GPR137C: variants seen among roughly 807,000 people sequenced by gnomAD.
GPR137C encodes the protein G protein-coupled receptor 137C.
GPR137C carries 27 observed loss-of-function variants against 43.4 expected under a neutral mutation model. The observed-to-expected ratio is 0.62, with a 90% confidence interval of 0.46 to 0.86. GPR137C has a LOEUF of 0.86. GPR137C is among the 40% of genes least tolerant of loss of function. The pLI is 0.00. For missense variants in GPR137C, 522 were observed against 534.6 expected, an observed-to-expected ratio of 0.98 and a Z score of 0.23; for synonymous variants, 285 against 226.9, an observed-to-expected ratio of 1.26 and a Z score of -2.30.
At position 52,634,956 on chromosome 14, in the gene GPR137C, T is replaced by A; in HGVS notation, c.1131T>A (p.Ser377Arg). 1 of 1,612,274 alleles carries A rather than the reference T, an allele frequency of 6.2e-7. No homozygotes were observed. The highest frequency in any genetic ancestry group is 8.5e-7 in the Non-Finnish European group (1 of 1,179,230). The change falls in exon 7 of 7, where the codon AGT becomes AGA. Residue 377 changes from serine to arginine, a missense_variant. By Grantham distance (110) the Ser-to-Arg change is moderately radical. Transcript: ENST00000321662. The part of the protein sequence containing the change: ...SREGSLPNSQ[S>R]LGWYGTMTGC... Reference sequence around the variant, plus strand: ...GTTGCAGTTTACCAAATTCGCAAAGTTTGGGCTGGTATGGCACCATGACTG... The same window carrying A: ...GTTGCAGTTTACCAAATTCGCAAAGATTGGGCTGGTATGGCACCATGACTG...
chr14:52,588,334 A>G (rs75240114), intron 1 of GPR137C, among the ~76,000 whole-genome samples: 39,316 of 151,860 alleles, frequency 0.26, 5,599 homozygotes, highest in East Asian at 0.53. Context: ...TAATAGAGAC[A>G]GGGTTTCACC....
chr14:52,569,376 G>A (rs1263222618), intron 1 of GPR137C, among the ~76,000 whole-genome samples: 1 of 150,788 alleles, frequency 6.6e-6, no homozygotes, highest in Non-Finnish European at 1.5e-5. Flanking sequence ...AAAAAAAAAT[G>A]CATCTACTCC....
chr14:52,576,630 A>G (rs769956427), intron 1 of GPR137C, among the ~76,000 whole-genome samples: 1 of 152,238 alleles, frequency 6.6e-6, no homozygotes, highest in African/African-American at 2.4e-5. Flanking sequence ...TATATACATC[A>G]TCGAGGCAGA....
chr14:52,604,826 A>G (rs1028399011), intron 3 of GPR137C, among the ~76,000 whole-genome samples: 4 of 152,152 alleles, frequency 2.6e-5, no homozygotes, highest in East Asian at 3.9e-4. Flanking sequence ...GACTTCCCCC[A>G]GTGTATGTTC....
rs568507493 is a variant in GPR137C at position 52,590,906 on chromosome 14, A to G, written c.445-7366A>G. On this transcript the variant is annotated intron_variant, in intron 1 of 6. Coordinates refer to ENST00000321662, the MANE Select transcript of GPR137C (RefSeq NM_001099652.2). ...GTGCAGGTTTGTTACATAGGTATAC[A>G]TGTGCCATGTTGTTTGCTGCACCCA... Among the ~76,000 whole-genome samples the G allele has an allele frequency of 5.9e-5, 9 of 152,288 alleles. No individual in the cohort carries two copies. In the East Asian group the frequency reaches 9.6e-4, roughly 16 times the overall value.
In GPR137C at chr14:52,633,805, G is replaced by A. The variant is rs757090467; in HGVS notation, c.994-23G>A. ...TAGTGGAAAAGTAAAACCTTCATATGCTATCTAATACTTTGTTCACAGGCA... is the reference window on the plus strand; with the variant it reads ...TAGTGGAAAAGTAAAACCTTCATATACTATCTAATACTTTGTTCACAGGCA... On this transcript the variant is annotated intron_variant, in intron 5 of 6. Coordinates refer to ENST00000321662, the MANE Select transcript of GPR137C (RefSeq NM_001099652.2). The A allele has an allele frequency of 1.9e-6, 3 of 1,546,860 alleles. No homozygotes were observed. The African/African-American group carries it at 4.1e-5, about 21-fold the overall frequency.
intron 3 of GPR137C, among the ~76,000 whole-genome samples, chr14:52,620,436 A>G (rs535179156): frequency 7.2e-5 from 11 of 152,212 alleles, no homozygotes; most frequent in African/African-American, 2.4e-4. Context: ...CAGCCAAGTT[A>G]ATTGTTTGCT....
At chr14:52,610,282 T>C (rs1283839141) in intron 3 of GPR137C, among the ~76,000 whole-genome samples, 1 of 152,202 alleles carries the variant, frequency 6.6e-6, no homozygotes, top group Non-Finnish European at 1.5e-5. Flanking sequence ...AGCTCTCTTA[T>C]TTGTGTTATT....
intron 6 of GPR137C, 25 bp downstream of exon 6, chr14:52,633,971 C>A (rs1401776901): frequency 7.8e-7 from 1 of 1,275,306 alleles, no homozygotes; most frequent in Non-Finnish European, 1.1e-6. Context: ...GCCACTTAGC[C>A]TGAATTACTA....
At chr14:52,582,273 A>G (rs1391932704) in intron 1 of GPR137C, among the ~76,000 whole-genome samples, 2 of 152,170 alleles carry the variant, frequency 1.3e-5, no homozygotes, top group African/African-American at 2.4e-5. Flanking sequence ...CTCATGACCT[A>G]GCAGGTCCCA....
At chr14:52,592,300 G>T (rs1297044911) in intron 1 of GPR137C, among the ~76,000 whole-genome samples, 1 of 152,138 alleles carries the variant, frequency 6.6e-6, no homozygotes. Context: ...TGCTAGGATT[G>T]TCTTGGCTAT....
At chr14:52,631,306 G>A (rs918434096) in intron 3 of GPR137C, among the ~76,000 whole-genome samples, 2 of 152,132 alleles carry the variant, frequency 1.3e-5, no homozygotes, top group African/African-American at 2.4e-5. Context: ...ATCCCTGGAC[G>A]TTGTGCACTA....
chr14:52,590,657 G>A (rs141110687), intron 1 of GPR137C, among the ~76,000 whole-genome samples: 3 of 152,090 alleles, frequency 2.0e-5, no homozygotes, highest in African/African-American at 7.2e-5. Flanking sequence ...ACTTACCATC[G>A]TGTTATACTT....
At chr14:52,577,999 A>G (rs2038589303) in intron 1 of GPR137C, among the ~76,000 whole-genome samples, 2 of 152,068 alleles carry the variant, frequency 1.3e-5, no homozygotes, top group Non-Finnish European at 2.9e-5. Context: ...TACAACTGAT[A>G]CCACAGAAAT....
chr14:52,633,885 A>G lies in GPR137C; in HGVS notation c.1051A>G (p.Asn351Asp). 1 of 1,613,174 alleles carries G rather than the reference A, an allele frequency of 6.2e-7. No homozygotes were observed. The change falls in exon 6 of 7, where the codon AAT (asparagine) becomes GAT (aspartate). Residue 351 changes from asparagine (N) to aspartate (D), a missense_variant. This residue lies in a region of GPR137C where 18 missense variants were observed against 39.9 expected (regional missense o/e 0.45). Transcript: ENST00000321662. The stretch of plus-strand genomic sequence containing the variant: ...TAGTTCCAGAGCTTACTTTTTCGAC[A>G]ATCCAAGACGATATGATAGTGATGA... ...SYSSRAYFFD[N>D]PRRYDSDDDL...
chr14:52,624,752 A>G (rs552134316), intron 3 of GPR137C, among the ~76,000 whole-genome samples: 83 of 151,922 alleles, frequency 5.5e-4, no homozygotes, highest in African/African-American at 2.0e-3. Context: ...AATAATAAAG[A>G]TAAAAATAGA....
At chr14:52,562,321 T>A (rs552898204) in intron 1 of GPR137C, among the ~76,000 whole-genome samples, 1 of 152,358 alleles carries the variant, frequency 6.6e-6, no homozygotes, top group South Asian at 2.1e-4. Context: ...CTCATAGAAT[T>A]ACTGTGAAAA....
intron 1 of GPR137C, among the ~76,000 whole-genome samples, chr14:52,571,334 G>A (rs750881557): frequency 2.6e-5 from 4 of 152,168 alleles, no homozygotes; most frequent in Non-Finnish European, 5.9e-5. Flanking sequence ...CATAGCTAAA[G>A]CAGTGTTTAG....
intron 1 of GPR137C, among the ~76,000 whole-genome samples, chr14:52,576,925 C>G (rs1594786581): frequency 6.6e-6 from 1 of 152,234 alleles, no homozygotes; most frequent in African/African-American, 2.4e-5. Flanking sequence ...CTCAGTGGCT[C>G]ACACCTGTAA....
Sources: allele counts gnomAD v4.1 joint callset (sites outside exome capture counted in the v4.1 genomes callset), GRCh38; gene constraint gnomAD v4.1.1; regional missense constraint gnomAD v4.1.1; transcripts MANE v1.5; gene names NCBI Gene and HGNC (gene_info 2026-07-23, HGNC 2026-07-21).